Variants in MBD5 observed in about 807,000 individuals in gnomAD.
MBD5 encodes methyl-CpG binding domain protein 5, also known as methyl-CpG-binding domain protein 5.
A neutral mutation model predicts 117.3 loss-of-function variants in MBD5; 13 were observed. The ratio of observed to expected loss-of-function variants is 0.11; its 90% CI spans 0.07 to 0.18. The LOEUF is 0.18. Among genes scored for constraint, MBD5 ranks in the 10% least tolerant of loss-of-function variants. The pLI, the probability that MBD5 is intolerant of heterozygous loss-of-function variation, is 1.00. For synonymous variants in MBD5, 727 were observed against 766.4 expected, an observed-to-expected ratio of 0.95 and a Z score of 0.85; for missense variants, 1,879 against 2,093.8, an observed-to-expected ratio of 0.90 and a Z score of 2.00.
chr2:148,276,742 T>G (rs1035765343), intron 3 of MBD5, among the ~76,000 whole-genome samples: 2 of 152,170 alleles, frequency 1.3e-5, no homozygotes, highest in Admixed American at 6.6e-5. Flanking sequence ...GAGATTTTTT[T>G]GAAGTAATTT....
At chr2:148,392,259 T>A (rs1008953344) in intron 4 of MBD5, among the ~76,000 whole-genome samples, 1 of 152,236 alleles carries the variant, frequency 6.6e-6, no homozygotes, top group East Asian at 1.9e-4. Context: ...ATCTTTGTTA[T>A]GGTTTTTGAT....
chr2:148,239,718 C>CACACACACACACACACAT (rs1212562659), intron 3 of MBD5, among the ~76,000 whole-genome samples: 2 of 148,650 alleles, frequency 1.3e-5, no homozygotes, highest in Non-Finnish European at 3.0e-5. Flanking sequence ...CACACACACA[C>CACACACACACACACACAT]ATATATTGAG....
intron 12 of MBD5, among the ~76,000 whole-genome samples, chr2:148,509,048 C>G (rs565240844): frequency 7.9e-5 from 12 of 152,310 alleles, no homozygotes; most frequent in South Asian, 4.1e-4. Flanking sequence ...GCCAAACTCT[C>G]CCACGACTGC....
intron 3 of MBD5, among the ~76,000 whole-genome samples, chr2:148,294,151 AC>A (rs1701571114): frequency 6.7e-6 from 1 of 149,418 alleles, no homozygotes; most frequent in African/African-American, 2.5e-5. Flanking sequence ...CTTGGAACAT[AC>A]TTATTTCACG....
At position 148,177,124 on chromosome 2, in the gene MBD5, G is replaced by C. The variant is rs199737380; in HGVS notation, c.-924-1576G>C. ...AAGTCCTATTTACTATATGTTCAAA[G>C]TTCCTTCCTAAGCTGGTGGGTCTCA... On this transcript the variant is annotated intron_variant, in intron 1 of 13. Transcript: ENST00000642680. Among the ~76,000 whole-genome samples, 4 of 152,130 alleles carry C rather than the reference G, an allele frequency of 2.6e-5. No individual in the cohort carries two copies. In the East Asian group the frequency reaches 7.7e-4, roughly 29 times the overall value.
chr2:148,215,545 T>C (rs930837927), intron 2 of MBD5, among the ~76,000 whole-genome samples: 4 of 151,598 alleles, frequency 2.6e-5, no homozygotes, highest in Non-Finnish European at 4.4e-5. Context: ...GTGGGCGGGG[T>C]TTTTTTTCGA....
intron 2 of MBD5, among the ~76,000 whole-genome samples, chr2:148,211,275 T>C (rs949231609): frequency 2.6e-5 from 4 of 152,170 alleles, no homozygotes; most frequent in African/African-American, 7.2e-5. Flanking sequence ...ATTTTTCTAG[T>C]TGGATCTTCA....
intron 4 of MBD5, among the ~76,000 whole-genome samples, chr2:148,344,028 A>G (rs910663393): frequency 6.6e-6 from 1 of 152,056 alleles, no homozygotes; most frequent in East Asian, 1.9e-4. Flanking sequence ...TCTGCACTGC[A>G]TGTGGCTACC....
At chr2:148,202,173 G>A (rs1699162262) in intron 2 of MBD5, among the ~76,000 whole-genome samples, 1 of 152,174 alleles carries the variant, frequency 6.6e-6, no homozygotes, top group African/African-American at 2.4e-5. Flanking sequence ...CCTTATTAGG[G>A]AAGACAAACA....
chr2:148,479,764 A>G (rs1446329851), intron 8 of MBD5, among the ~76,000 whole-genome samples: 2 of 138,630 alleles, frequency 1.4e-5, no homozygotes, highest in Admixed American at 7.2e-5. Context: ...GAGGCCCTTT[A>G]TATTTCCTTT....
intron 1 of MBD5, among the ~76,000 whole-genome samples, chr2:148,063,861 G>C (rs1458543301): frequency 6.6e-6 from 1 of 152,042 alleles, no homozygotes; most frequent in Non-Finnish European, 1.5e-5. Flanking sequence ...ATTCTTGGAT[G>C]GGGATTAATC....
intron 3 of MBD5, among the ~76,000 whole-genome samples, chr2:148,336,948 C>G (rs1045163911): frequency 6.6e-6 from 1 of 152,122 alleles, no homozygotes; most frequent in Non-Finnish European, 1.5e-5. Context: ...TATTCCTTAC[C>G]CTTCAAACCC....
intron 3 of MBD5, among the ~76,000 whole-genome samples, chr2:148,327,202 A>T (rs1259020000): frequency 1.3e-5 from 2 of 151,964 alleles, no homozygotes; most frequent in Non-Finnish European, 2.9e-5. Context: ...CTGCCGAGAG[A>T]TCTGCTGTTA....
intron 8 of MBD5, among the ~76,000 whole-genome samples, chr2:148,478,557 CAAAA>C (rs1559092406): frequency 6.6e-6 from 1 of 152,108 alleles, no homozygotes; most frequent in Non-Finnish European, 1.5e-5. Context: ...GACTCCATCT[CAAAA>C]AGAAAAGAAA....
At chr2:148,414,409 C>T (rs1705359227) in intron 4 of MBD5, among the ~76,000 whole-genome samples, 2 of 152,034 alleles carry the variant, frequency 1.3e-5, no homozygotes, top group Non-Finnish European at 2.9e-5. Context: ...GAGTTTGTGC[C>T]ATGTGCATAT....
intron 1 of MBD5, among the ~76,000 whole-genome samples, chr2:148,060,158 A>G (rs1694989440): frequency 6.8e-6 from 1 of 147,674 alleles, no homozygotes; most frequent in Non-Finnish European, 1.5e-5. Context: ...AAAAAAAAAA[A>G]AAAAGCCAGG....
chr2:148,311,152 T>A (rs925800889), intron 3 of MBD5, among the ~76,000 whole-genome samples: 14 of 152,200 alleles, frequency 9.2e-5, no homozygotes, highest in African/African-American at 3.4e-4. Flanking sequence ...TCTGTACATG[T>A]CTATTAGGTC....
At chr2:148,322,527 C>T (rs772614166) in intron 3 of MBD5, among the ~76,000 whole-genome samples, 1 of 152,092 alleles carries the variant, frequency 6.6e-6, no homozygotes, top group Non-Finnish European at 1.5e-5. Flanking sequence ...ATTCAGACTC[C>T]TATTTTTTCC....
At position 148,411,812 on chromosome 2, in the gene MBD5, A is replaced by G. The variant is rs529276779; in HGVS notation, c.-556-46391A>G. ...TGTAGGTTGTCTGTTTACTCTTGAT[A>G]GTTTCTTTTACTATGCAGAAGCTCT... On this transcript the variant is annotated intron_variant, in intron 4 of 13. Transcript: ENST00000642680. Among the ~76,000 whole-genome samples, 7 of 152,074 alleles carry G rather than the reference A, an allele frequency of 4.6e-5. No individual in the cohort carries two copies. The East Asian group carries it at 1.4e-3, about 29-fold the overall frequency.
Sources: gnomAD v4.1 joint callset for allele counts (sites outside exome capture counted in the v4.1 genomes callset) on GRCh38, gnomAD v4.1.1 for gene constraint, MANE v1.5 for transcripts, NCBI Gene and HGNC (gene_info 2026-07-23, HGNC 2026-07-21) for gene names.